The following EFCAB6 variants were observed in gnomAD, a reference collection of about 807,000 sequenced individuals.
The protein encoded by EFCAB6 is EF-hand calcium binding domain 6.
EFCAB6 carries 156 observed loss-of-function variants against 169.8 expected under a neutral mutation model. The observed-to-expected ratio is 0.92, with a 90% CI of 0.81 to 1.05. The LOEUF is 1.05. Among genes scored for constraint, EFCAB6 ranks in the 50% least tolerant of loss-of-function variants. The probability of loss-of-function intolerance (pLI) is 0.00; values close to 1 mark genes in which losing one functional copy is unlikely to be tolerated. For synonymous variants in EFCAB6, 698 were observed against 676.4 expected (o/e 1.03, Z -0.50); for missense variants, 1,800 against 1,829.1 (o/e 0.98, Z 0.29).
intron 24 of EFCAB6, among the ~76,000 whole-genome samples, chr22:43,586,813 C>T (rs1334031451): frequency 6.6e-6 from 1 of 152,156 alleles, no homozygotes; most frequent in Non-Finnish European, 1.5e-5. Context: ...CCCACTGAAT[C>T]AGAAACTTTG....
rs369914569 is a variant in EFCAB6, at chr22:43,755,808, G to A, written c.465C>T (p.Cys155=). The change falls in exon 6 of 32, where the codon TGC becomes TGT. Residue 155 remains cysteine (C), a synonymous_variant. Transcript: ENST00000262726. ...TTTCAAGTTCTCTTAATGTGCGGCAGCAATTCATTTCATTCCCACCTCCCC... is the reference window on the plus strand; with the variant it reads ...TTTCAAGTTCTCTTAATGTGCGGCAACAATTCATTTCATTCCCACCTCCCC... ...IKRGGGNEMN[C]CRTLRELEIQ... 2.1e-5 allele frequency: 33 copies of A among 1,604,918 alleles called. No individual in the cohort carries two copies. In the Middle Eastern group the frequency reaches 1.7e-3, roughly 81 times the overall value.
intron 28 of EFCAB6, among the ~76,000 whole-genome samples, chr22:43,539,849 T>C (rs1309778850): frequency 2.0e-5 from 3 of 152,168 alleles, no homozygotes; most frequent in South Asian, 2.1e-4. Flanking sequence ...GACAGGTGCC[T>C]CCCGCCCTGC....
intron 4 of EFCAB6, among the ~76,000 whole-genome samples, chr22:43,767,737 G>A (rs189056678): frequency 7.6e-4 from 115 of 152,224 alleles, no homozygotes; most frequent in Admixed American, 3.5e-3. Context: ...AAGACAGCCC[G>A]TCAAATTATT....
intron 24 of EFCAB6, among the ~76,000 whole-genome samples, chr22:43,589,135 G>A (rs185834709): frequency 6.6e-6 from 1 of 151,980 alleles, no homozygotes; most frequent in East Asian, 1.9e-4. Flanking sequence ...TAGGGACATT[G>A]GCCGGGTGTG....
At chr22:43,711,723 C>T (rs2059167298) in intron 9 of EFCAB6, 100 bp from the exon 10 acceptor site, 6 of 1,398,978 alleles carry the variant, frequency 4.3e-6, no homozygotes, top group Non-Finnish European at 3.8e-6. Flanking sequence ...AAATTTTTCT[C>T]TCCAAAAACT....
intron 4 of EFCAB6, among the ~76,000 whole-genome samples, chr22:43,772,347 A>C (rs1285955935): frequency 6.6e-6 from 1 of 152,204 alleles, no homozygotes; most frequent in Non-Finnish European, 1.5e-5. Flanking sequence ...CCTTAAAAGA[A>C]ATGAAAAGAA....
At chr22:43,782,507 G>T (rs1277183400) in intron 2 of EFCAB6, among the ~76,000 whole-genome samples, 182 bp from the exon 3 acceptor site, 2 of 152,082 alleles carry the variant, frequency 1.3e-5, no homozygotes, top group African/African-American at 2.4e-5. Flanking sequence ...CATCATTTTG[G>T]ACTCCTTGTT....
intron 31 of EFCAB6, among the ~76,000 whole-genome samples, chr22:43,529,583 G>A (rs1340593294): frequency 6.6e-6 from 1 of 152,178 alleles, no homozygotes; most frequent in Non-Finnish European, 1.5e-5. Context: ...ATGTTATGTA[G>A]AACATCCAGG....
At chr22:43,641,088 A>T (rs2055764580) in intron 17 of EFCAB6, among the ~76,000 whole-genome samples, 1 of 152,206 alleles carries the variant, frequency 6.6e-6, no homozygotes, top group Non-Finnish European at 1.5e-5. Flanking sequence ...TGTGTAGAGA[A>T]TTACCAACAC....
intron 5 of EFCAB6, among the ~76,000 whole-genome samples, chr22:43,760,822 G>A (rs551951896): frequency 1.2e-4 from 18 of 152,212 alleles, no homozygotes; most frequent in African/African-American, 4.1e-4. Flanking sequence ...GCCACCACAT[G>A]CGGCTAATTT....
intron 15 of EFCAB6, among the ~76,000 whole-genome samples, chr22:43,669,385 G>A (rs534778146): frequency 6.6e-6 from 1 of 152,320 alleles, no homozygotes; most frequent in South Asian, 2.1e-4. Context: ...ACTCAGCAGT[G>A]AAAAGGAAAG....
Position 43,537,573 on chromosome 22 carries a change from T to A in EFCAB6, c.3880-28A>T, listed in dbSNP as rs1163160048. ...AGCAGGGAAGAAAAGAAAAGGCTCT[T>A]TTCACTTAAGATTTAAAACGGAAGT... On this transcript the variant is annotated intron_variant, in intron 28 of 31. Transcript: ENST00000262726. The surrounding 1 kb of genome is among the most constrained non-coding windows in gnomAD (Gnocchi z 4.3). The A allele has an allele frequency of 1.3e-6, 2 of 1,580,794 alleles. No homozygotes were observed. The highest frequency in any genetic ancestry group is 1.7e-6 in the Non-Finnish European group (2 of 1,160,160).
intron 31 of EFCAB6, among the ~76,000 whole-genome samples, chr22:43,529,389 C>G (rs538633499): frequency 1.3e-5 from 2 of 152,294 alleles, no homozygotes; most frequent in Admixed American, 1.3e-4. Flanking sequence ...CAGAGAGTTG[C>G]TGTGATAAGA....
intron 19 of EFCAB6, among the ~76,000 whole-genome samples, chr22:43,627,334 A>AG (rs1285201425): frequency 7.9e-5 from 12 of 152,192 alleles, no homozygotes; most frequent in African/African-American, 2.9e-4. Flanking sequence ...TGCACTCTGC[A>AG]GGCAGGTGGC....
intron 18 of EFCAB6, 57 bp from the exon 19 acceptor site, chr22:43,632,295 T>G: frequency 4.2e-6 from 1 of 236,982 alleles, no homozygotes; most frequent in Non-Finnish European, 5.9e-6. Flanking sequence ...TCATTCCTTC[T>G]TTTTTTTTTT....
chr22:43,636,777 A>G (rs1194311573), intron 17 of EFCAB6, among the ~76,000 whole-genome samples: 2 of 150,760 alleles, frequency 1.3e-5, no homozygotes, highest in Non-Finnish European at 3.0e-5. Flanking sequence ...CGCCCAGCTA[A>G]TTTTTTGTAT....
At position 43,716,879 on chromosome 22, in the gene EFCAB6, A is replaced by G; in HGVS notation, c.851T>C (p.Leu284Ser). ...SSEDIWRNYS[L>S]DEIERNFCLQ... ...ACAAAAGTTCCTCTCAATTTCATCC[A>G]AGGAGTAGTTTCTCCAGATATCTTC... The change falls in exon 9 of 32, where the codon TTG (leucine) becomes TCG (serine). Residue 284 changes from leucine (L) to serine (S), a missense_variant. Coordinates refer to ENST00000262726, the MANE Select transcript of EFCAB6 (RefSeq NM_022785.4). The G allele has an allele frequency of 6.2e-7, 1 of 1,603,878 alleles. No homozygotes were observed. Among genetic ancestry groups the G allele is most frequent in the Non-Finnish European group, 8.5e-7 (1 of 1,175,604 alleles).
intron 13 of EFCAB6, among the ~76,000 whole-genome samples, chr22:43,674,101 A>G (rs78289881): frequency 0.052 from 7,993 of 152,286 alleles, 343 homozygotes; most frequent in South Asian, 0.15. Flanking sequence ...TTACACCTCA[A>G]TAAAGCTGTT....
intron 11 of EFCAB6, among the ~76,000 whole-genome samples, chr22:43,685,343 G>A (rs1378759096): frequency 6.6e-6 from 1 of 152,060 alleles, no homozygotes; most frequent in African/African-American, 2.4e-5. Flanking sequence ...GGCAGGAAGG[G>A]TGCGGGGGGA....
Sources: allele counts gnomAD v4.1 joint callset (sites outside exome capture counted in the v4.1 genomes callset), GRCh38; gene constraint gnomAD v4.1.1; non-coding constraint Gnocchi (gnomAD v3.1); transcripts MANE v1.5; gene names NCBI Gene and HGNC (gene_info 2026-07-23, HGNC 2026-07-21).